The following MYT1 variants were observed in gnomAD, a reference collection of about 807,000 sequenced individuals.
MYT1 encodes the protein myelin transcription factor 1.
A neutral mutation model predicts 123.0 loss-of-function variants in MYT1; 23 were observed. The ratio of observed to expected loss-of-function variants is 0.19; its 90% confidence interval spans 0.13 to 0.26. The LOEUF is 0.26. Among genes scored for constraint, MYT1 ranks in the 10% least tolerant of loss-of-function variants. MYT1 has a pLI of 1.00. For missense variants in MYT1, 1,125 were observed against 1,472.5 expected (o/e 0.76, Z 3.86); for synonymous variants, 518 against 575.3 (o/e 0.90, Z 1.43).
At chr20:64,217,542 A>G (rs1983875921) in intron 11 of MYT1, among the ~76,000 whole-genome samples, 1 of 152,218 alleles carries the variant, frequency 6.6e-6, no homozygotes, top group Non-Finnish European at 1.5e-5. Flanking sequence ...TATTTGTGAA[A>G]CAAAACCCAG....
At position 64,219,833 on chromosome 20, in the gene MYT1, C is replaced by T. The variant is rs570218866; in HGVS notation, c.2092C>T (p.Pro698Ser). Residue 698 changes from proline (P) to serine (S), a missense_variant, in exon 13 of 23, where the codon CCC becomes TCC. Coordinates refer to ENST00000328439, the MANE Select transcript of MYT1 (RefSeq NM_004535.3). ...SCSSSPGVKS[P>S]DASQRHSSTS... is the part of the protein sequence containing the mutation. The stretch of plus-strand genomic sequence containing the variant: ...CAGCAGCAGCCCCGGTGTGAAGTCT[C>T]CCGACGCCTCCCAGCGCCACAGCAG... The T allele has an allele frequency of 1.9e-5, 31 of 1,611,952 alleles. No individual in the cohort carries two copies. The Middle Eastern group carries it at 5.0e-4, about 26-fold the overall frequency.
chr20:64,195,143 C>A (rs972713645), intron 2 of MYT1, among the ~76,000 whole-genome samples: 1 of 152,114 alleles, frequency 6.6e-6, no homozygotes, highest in African/African-American at 2.4e-5. Context: ...CGTGAGCCAC[C>A]ATGCCCGGCC....
At chr20:64,234,730 T>TGGGCTGGCCGTGGTCTGTGACCCG (rs1984447546) in intron 19 of MYT1, among the ~76,000 whole-genome samples, 1 of 96,440 alleles carries the variant, frequency 1.0e-5, no homozygotes, top group Non-Finnish European at 1.9e-5. Context: ...TGAGTGACCC[T>TGGGCTGGCCGTGGTCTGTGACCCG]GGGCTGGCCG....
intron 1 of MYT1, among the ~76,000 whole-genome samples, chr20:64,182,710 A>G (rs1982688422): frequency 6.6e-6 from 1 of 152,146 alleles, no homozygotes; most frequent in Non-Finnish European, 1.5e-5. Context: ...ATAGGCATCA[A>G]GGTGGTCCAG....
At position 64,208,621 on chromosome 20, in the gene MYT1, AT is replaced by A. The variant is rs1359615963; in HGVS notation, c.1291+135del. ...GAAAAGCAGACAAAAGGACAAATAC[AT>A]GACACAGACTGTGGTCAGATACTGA... On this transcript the variant is annotated intron_variant, in intron 7 of 22. Transcript: ENST00000328439. The surrounding 1 kb of genome is among the most constrained non-coding windows in gnomAD (Gnocchi z 5.4). 6.9e-5 allele frequency: 96 copies of A among 1,389,974 alleles called. 1 individual carries two copies. The South Asian group carries it at 9.1e-4, about 13-fold the overall frequency. The allele number at this position is 1,389,974 out of a possible 1,614,324, so 86.1% of individuals were successfully genotyped here.
At chr20:64,239,719 G>A (rs781546934) in intron 21 of MYT1, 41 bp from the exon 22 acceptor site, 24 of 1,611,610 alleles carry the variant, frequency 1.5e-5, no homozygotes, top group Non-Finnish European at 1.9e-5. Context: ...GGAGGATGGG[G>A]GCCAAGGGCA....
At position 64,207,623 on chromosome 20, in the gene MYT1, T is replaced by A. The variant is rs759088947; in HGVS notation, c.427T>A (p.Ser143Thr). 1 of 1,613,768 alleles carries A rather than the reference T, an allele frequency of 6.2e-7. No homozygotes were observed. The highest frequency in any genetic ancestry group is 1.1e-5 in the South Asian group (1 of 91,064). The stretch of plus-strand genomic sequence containing the variant: ...GAGCCCCGTCAAGTCCCATTTTGGA[T>A]CCAACCCCATCGGCAGCGCCACTGC... ...GRSPVKSHFGSNPIGSATASS... is the reference protein window; with the variant it reads ...GRSPVKSHFGTNPIGSATASS... Residue 143 changes from serine to threonine, a missense_variant, in exon 7 of 23, where the codon TCC becomes ACC. By Grantham distance (58) the Ser-to-Thr change is moderately conservative. This residue lies in a region of MYT1 where 406 missense variants were observed against 432.2 expected (regional missense o/e 0.94). Transcript: ENST00000328439.
At chr20:64,205,158 C>G (rs1983447843) in intron 5 of MYT1, 61 bp downstream of exon 5, 1 of 1,567,468 alleles carries the variant, frequency 6.4e-7, no homozygotes, top group African/African-American at 1.4e-5. Flanking sequence ...CCCCTGCCCA[C>G]TCTGCAGATG....
At position 64,202,648 on chromosome 20, in the gene MYT1, G is replaced by A. The variant is rs1324667244; in HGVS notation, c.87-2387G>A. 6.6e-6 allele frequency among the ~76,000 whole-genome samples: 1 copy of A among 152,158 alleles called. No individual in the cohort carries two copies. Among genetic ancestry groups the A allele is most frequent in the Admixed American group, 6.5e-5 (1 of 15,274 alleles). On this transcript the variant is annotated intron_variant, in intron 4 of 22. Coordinates refer to ENST00000328439, the MANE Select transcript of MYT1 (RefSeq NM_004535.3). The surrounding 1 kb of genome is among the most constrained non-coding windows in gnomAD (Gnocchi z 5.0). ...CTTCAAAGGCTAGTAGCTGAAGCAT[G>A]GGGCTCCAGGCTGGGATTCAGTTCC...
chr20:64,235,305 CTGGCTGT>C (rs1984478011), intron 19 of MYT1, among the ~76,000 whole-genome samples: 2 of 92,440 alleles, frequency 2.2e-5, no homozygotes, highest in South Asian at 4.6e-4. Flanking sequence ...TGACCCCGAG[CTGGCTGT>C]GGTGGGTGAC....
rs1034564381 is a variant in MYT1, at chr20:64,190,655, C to T, written c.-1+495C>T. 3.3e-5 allele frequency among the ~76,000 whole-genome samples: 5 copies of T among 150,758 alleles called. No homozygotes were observed. The highest frequency in any genetic ancestry group is 7.4e-5 in the Non-Finnish European group (5 of 67,934). ...CTGAGATTGTGCCACTGCACTCCAG[C>T]CTGGGTGCAGATCTTATCTCAGAAG... On this transcript the variant is annotated intron_variant, in intron 2 of 22. Coordinates refer to ENST00000328439, the MANE Select transcript of MYT1 (RefSeq NM_004535.3). This position sits in a 1 kb window ranked among gnomAD's most constrained non-coding sequence, Gnocchi z 4.1.
intron 18 of MYT1, among the ~76,000 whole-genome samples, chr20:64,229,073 A>T (rs963127788): frequency 3.9e-4 from 60 of 152,240 alleles, no homozygotes; most frequent in African/African-American, 1.4e-3. Context: ...ATTGACCAAC[A>T]TCACATCCTT....
intron 11 of MYT1, 68 bp downstream of exon 11, chr20:64,217,349 C>A: frequency 6.5e-7 from 1 of 1,545,192 alleles, no homozygotes; most frequent in South Asian, 1.1e-5. Context: ...ATTCAAGGGG[C>A]AGTGGAGGAG....
At chr20:64,222,343 C>T (rs1401952472) in intron 14 of MYT1, among the ~76,000 whole-genome samples, 1 of 152,238 alleles carries the variant, frequency 6.6e-6, no homozygotes, top group Non-Finnish European at 1.5e-5. Context: ...AGGAGAGCTC[C>T]TCAGAGAGCT....
intron 16 of MYT1, among the ~76,000 whole-genome samples, chr20:64,225,573 G>T (rs780858335): frequency 6.6e-6 from 1 of 152,196 alleles, no homozygotes; most frequent in Admixed American, 6.5e-5. Flanking sequence ...TCCACAGCAC[G>T]GGGATGGGGC....
Position 64,231,687 on chromosome 20 carries a change from C to T in MYT1, c.2676-477C>T, listed in dbSNP as rs1272401293. Among the ~76,000 whole-genome samples the T allele has an allele frequency of 1.3e-5, 2 of 152,218 alleles. No individual in the cohort carries two copies. Among genetic ancestry groups the T allele is most frequent in the Non-Finnish European group, 2.9e-5 (2 of 68,024 alleles). On this transcript the variant is annotated intron_variant, in intron 18 of 22. Coordinates refer to ENST00000328439, the MANE Select transcript of MYT1 (RefSeq NM_004535.3). This position sits in a 1 kb window ranked among gnomAD's most constrained non-coding sequence, Gnocchi z 6.4. ...GTGACAGGCCTCTGCTGTCCCTGAG[C>T]TCCCCTGCTTAGGGGACCTTGTCAT...
rs780297319 is a variant in MYT1, at chr20:64,205,814, C to T, written c.397+14C>T. The T allele has an allele frequency of 1.2e-6, 2 of 1,611,764 alleles. No individual in the cohort carries two copies. The highest frequency in any genetic ancestry group is 1.7e-6 in the Non-Finnish European group (2 of 1,178,584). The stretch of plus-strand genomic sequence containing the variant: ...AGACAGCTGAAGGTGCTTTGTCGCT[C>T]TTTCTTCCCCGAATAAAGGGCGCTT... On this transcript the variant is annotated intron_variant, in intron 6 of 22. Transcript: ENST00000328439.
chr20:64,215,445 A>G (rs1246568043), intron 10 of MYT1, among the ~76,000 whole-genome samples: 1 of 152,154 alleles, frequency 6.6e-6, no homozygotes, highest in Non-Finnish European at 1.5e-5. Context: ...TCCAGCCCAC[A>G]TTTCTGGCTA....
chr20:64,220,860 G>T (rs1983981649), intron 13 of MYT1, among the ~76,000 whole-genome samples: 3 of 103,324 alleles, frequency 2.9e-5, no homozygotes, highest in Admixed American at 1.8e-4. Context: ...AGGCCCCTAT[G>T]AAGGGTGGGG....
Sources: gnomAD v4.1 joint callset for allele counts (sites outside exome capture counted in the v4.1 genomes callset) on GRCh38, gnomAD v4.1.1 for gene constraint, gnomAD v4.1.1 regional missense constraint, Gnocchi (gnomAD v3.1) non-coding constraint, MANE v1.5 for transcripts, NCBI Gene and HGNC (gene_info 2026-07-23, HGNC 2026-07-21) for gene names.